The following CPQ variants were observed in gnomAD, a reference collection of about 807,000 sequenced individuals.
CPQ encodes the protein carboxypeptidase Q, also known as Ser-Met dipeptidase.
A neutral mutation model predicts 45.7 loss-of-function variants in CPQ; 37 were observed. That is an observed-to-expected ratio of 0.81 (90% CI 0.62 to 1.07). The LOEUF is 1.07. Among genes scored for constraint, CPQ ranks in the 50% least tolerant of loss-of-function variants. The probability of loss-of-function intolerance (pLI) is 0.00; values close to 1 mark genes in which losing one functional copy is unlikely to be tolerated. For synonymous variants in CPQ, 186 were observed against 205.8 expected, an observed-to-expected ratio of 0.90 and a Z score of 0.82; for missense variants, 537 against 572.9, an observed-to-expected ratio of 0.94 and a Z score of 0.64.
At chr8:96,750,654 T>C (rs1810246333) in intron 1 of CPQ, among the ~76,000 whole-genome samples, 1 of 151,668 alleles carries the variant, frequency 6.6e-6, no homozygotes, top group South Asian at 2.1e-4. Context: ...AAGTTCTGGG[T>C]TACTAGTGCA....
intron 6 of CPQ, among the ~76,000 whole-genome samples, chr8:97,044,367 T>A (rs1244059733): frequency 6.6e-6 from 1 of 152,214 alleles, no homozygotes; most frequent in African/African-American, 2.4e-5. Flanking sequence ...GTATTGGTCA[T>A]TCTAGTTATA....
intron 7 of CPQ, among the ~76,000 whole-genome samples, chr8:97,128,788 T>C (rs1043798867): frequency 3.0e-4 from 46 of 152,260 alleles, no homozygotes; most frequent in Admixed American, 1.8e-3. Context: ...TGGGATGCAC[T>C]ACTGTGGAAA....
intron 1 of CPQ, among the ~76,000 whole-genome samples, chr8:96,771,831 C>T (rs1810547231): frequency 6.6e-6 from 1 of 152,040 alleles, no homozygotes; most frequent in Admixed American, 6.6e-5. Context: ...CAGGTATCAC[C>T]TCCTATATTG....
intron 1 of CPQ, among the ~76,000 whole-genome samples, chr8:96,656,893 A>G (rs981424238): frequency 6.6e-6 from 1 of 152,068 alleles, no homozygotes; most frequent in Non-Finnish European, 1.5e-5. Context: ...TTCTTTGTTT[A>G]TACCTAACCC....
rs12677241 is a variant in CPQ, at chr8:96,924,918, G to A, written c.850-41017G>A. Among the ~76,000 whole-genome samples, 9 of 152,026 alleles carry A rather than the reference G, an allele frequency of 5.9e-5. No homozygotes were observed. The East Asian group carries it at 1.7e-3, about 29-fold the overall frequency. On this transcript the variant is annotated intron_variant, in intron 4 of 7. Coordinates refer to ENST00000220763, the MANE Select transcript of CPQ (RefSeq NM_016134.4). ...ATTGACTTTTTAACTTTTTTGTTCT[G>A]TTTTGTTTTAACACAGCGATCTACC...
At chr8:96,871,002 A>G (rs1022388585) in intron 3 of CPQ, among the ~76,000 whole-genome samples, 3 of 152,176 alleles carry the variant, frequency 2.0e-5, no homozygotes, top group South Asian at 4.1e-4. Context: ...TTCTTATTTC[A>G]TGGAAATACG....
intron 4 of CPQ, among the ~76,000 whole-genome samples, chr8:96,916,119 G>A (rs1054070617): frequency 2.0e-5 from 3 of 152,096 alleles, no homozygotes; most frequent in African/African-American, 7.2e-5. Flanking sequence ...TATAAGCCCC[G>A]GTTGAGTAGC....
At chr8:96,964,147 C>A (rs1368789150) in intron 4 of CPQ, among the ~76,000 whole-genome samples, 3 of 144,362 alleles carry the variant, frequency 2.1e-5, no homozygotes, top group Non-Finnish European at 4.5e-5. Context: ...TATGAACATT[C>A]CAGTACATCT....
At chr8:97,060,133 A>G (rs1810523422) in intron 6 of CPQ, among the ~76,000 whole-genome samples, 1 of 152,182 alleles carries the variant, frequency 6.6e-6, no homozygotes, top group South Asian at 2.1e-4. Context: ...GAAAGGAGCT[A>G]TTATTGAACT....
At chr8:96,692,984 G>A (rs1809323601) in intron 1 of CPQ, among the ~76,000 whole-genome samples, 1 of 151,984 alleles carries the variant, frequency 6.6e-6, no homozygotes, top group Non-Finnish European at 1.5e-5. Context: ...ACTTAACAAA[G>A]AGATTGAAAT....
chr8:96,766,734 C>T (rs1222383339), intron 1 of CPQ, among the ~76,000 whole-genome samples: 1 of 152,144 alleles, frequency 6.6e-6, no homozygotes, highest in Non-Finnish European at 1.5e-5. Context: ...GCAAATAGTA[C>T]AGTATTCCCA....
chr8:96,991,454 G>A (rs891023698), intron 5 of CPQ, among the ~76,000 whole-genome samples: 2 of 151,836 alleles, frequency 1.3e-5, no homozygotes, highest in Admixed American at 6.6e-5. Flanking sequence ...TACTCTAGAG[G>A]CTGAGGCACA....
At chr8:97,000,086 G>GTTGT (rs1294751910) in intron 5 of CPQ, among the ~76,000 whole-genome samples, 1 of 151,728 alleles carries the variant, frequency 6.6e-6, no homozygotes, top group Non-Finnish European at 1.5e-5. Context: ...TTTTAATAGG[G>GTTGT]TTGTTTGTTT....
chr8:96,954,986 C>A (rs112837186), intron 4 of CPQ, among the ~76,000 whole-genome samples: 4,351 of 152,184 alleles, frequency 0.029, 199 homozygotes, highest in African/African-American at 0.098. Flanking sequence ...TTTTCTTAAT[C>A]CAGTCTATCA....
chr8:96,898,256 A>G (rs541729187), intron 4 of CPQ, among the ~76,000 whole-genome samples: 25 of 152,006 alleles, frequency 1.6e-4, no homozygotes, highest in Non-Finnish European at 2.8e-4. Context: ...TCCCCCCAAA[A>G]TGGGATTCTA....
At chr8:96,825,515 A>G (rs1177799759) in intron 2 of CPQ, among the ~76,000 whole-genome samples, 1 of 152,030 alleles carries the variant, frequency 6.6e-6, no homozygotes, top group Non-Finnish European at 1.5e-5. Flanking sequence ...TCTCCTCCTT[A>G]AAACTATTTG....
chr8:96,708,429 G>A (rs1809561670), intron 1 of CPQ, among the ~76,000 whole-genome samples: 2 of 90,698 alleles, frequency 2.2e-5, no homozygotes, highest in South Asian at 1.0e-3. Flanking sequence ...ATGTGTGTGT[G>A]TGTGTGTGTA....
chr8:96,731,606 G>A (rs916681578), intron 1 of CPQ, among the ~76,000 whole-genome samples: 12 of 152,128 alleles, frequency 7.9e-5, no homozygotes, highest in Non-Finnish European at 1.8e-4. Context: ...AATGACTCAG[G>A]AAATGCTCTA....
chr8:97,015,971 A>T (rs1809572250), intron 5 of CPQ, among the ~76,000 whole-genome samples: 1 of 152,158 alleles, frequency 6.6e-6, no homozygotes, highest in Non-Finnish European at 1.5e-5. Flanking sequence ...AAGAAGTATA[A>T]CAATATTCTT....
Sources: allele counts gnomAD v4.1 joint callset (sites outside exome capture counted in the v4.1 genomes callset), GRCh38; gene constraint gnomAD v4.1.1; transcripts MANE v1.5; gene names NCBI Gene and HGNC (gene_info 2026-07-23, HGNC 2026-07-21).